The following DLGAP2 variants were observed in gnomAD, a reference collection of about 807,000 sequenced individuals.
The protein encoded by DLGAP2 is DLG associated protein 2.
In DLGAP2, 26 loss-of-function variants were observed where a neutral mutation model predicts 100.3. The observed-to-expected ratio is 0.26, with a 90% CI of 0.19 to 0.36. The LOEUF (loss-of-function observed/expected upper bound fraction) is 0.36, where lower values mean the gene tolerates loss of function less well. Among genes scored for constraint, DLGAP2 ranks in the 10% least tolerant of loss-of-function variants. The probability of loss-of-function intolerance (pLI) is 1.00; values close to 1 mark genes in which losing one functional copy is unlikely to be tolerated. For missense variants in DLGAP2, 1,858 were observed against 1,453.2 expected (o/e 1.28, Z -4.53); for synonymous variants, 886 against 630.1 (o/e 1.41, Z -6.08).
chr8:1,329,570 G>A (rs573845691), intron 3 of DLGAP2, among the ~76,000 whole-genome samples: 1 of 152,150 alleles, frequency 6.6e-6, no homozygotes, highest in Non-Finnish European at 1.5e-5. Context: ...AGTTCAATTC[G>A]GTAGATGCTT....
At chr8:1,011,123 C>T (rs114824754) in intron 2 of DLGAP2, among the ~76,000 whole-genome samples, 1,994 of 141,358 alleles carry the variant, frequency 0.014, 50 homozygotes, top group African/African-American at 0.049. Context: ...TGAGCCCGGG[C>T]GAAGGGCCTC....
chr8:817,851 T>A (rs1796513935), intron 1 of DLGAP2, among the ~76,000 whole-genome samples: 1 of 152,334 alleles, frequency 6.6e-6, no homozygotes, highest in Admixed American at 6.5e-5. Flanking sequence ...TACCAGCACC[T>A]GCTCCGGCGG....
chr8:1,673,609 G>A (rs575976611), intron 10 of DLGAP2, among the ~76,000 whole-genome samples: 2 of 152,318 alleles, frequency 1.3e-5, no homozygotes, highest in East Asian at 3.9e-4. Flanking sequence ...TTAAAGCTGG[G>A]ATGAGAGAAC....
chr8:1,205,969 G>A (rs1797980974), intron 2 of DLGAP2, among the ~76,000 whole-genome samples: 1 of 152,186 alleles, frequency 6.6e-6, no homozygotes, highest in African/African-American at 2.4e-5. Context: ...CCTGGGCAAT[G>A]TAGAAAGACC....
chr8:1,095,568 A>C (rs572611134), intron 2 of DLGAP2, among the ~76,000 whole-genome samples: 1 of 152,286 alleles, frequency 6.6e-6, no homozygotes, highest in South Asian at 2.1e-4. Context: ...TCCACCGTCA[A>C]CACTGTTGTG....
intron 2 of DLGAP2, among the ~76,000 whole-genome samples, chr8:1,230,856 T>G (rs1325691257): frequency 6.6e-6 from 1 of 152,030 alleles, no homozygotes; most frequent in Non-Finnish European, 1.5e-5. Flanking sequence ...AAAAATTAAC[T>G]CAAGATGAAT....
intron 3 of DLGAP2, among the ~76,000 whole-genome samples, chr8:1,273,288 C>G (rs999429285): frequency 1.3e-5 from 2 of 152,142 alleles, no homozygotes; most frequent in South Asian, 2.1e-4. Flanking sequence ...AGTCCGGGAG[C>G]CACGTGGGCT....
intron 4 of DLGAP2, among the ~76,000 whole-genome samples, chr8:1,518,493 C>G (rs1030469747): frequency 3.3e-5 from 5 of 152,124 alleles, no homozygotes; most frequent in African/African-American, 9.7e-5. Context: ...ATTTATATAA[C>G]GTTTGAGTTT....
chr8:868,658 G>T (rs1797541430), intron 1 of DLGAP2, among the ~76,000 whole-genome samples: 1 of 152,184 alleles, frequency 6.6e-6, no homozygotes, highest in South Asian at 2.1e-4. Context: ...CTCTTCCAAG[G>T]GTGCGCGGCA....
At chr8:859,441 T>C (rs1379836165) in intron 1 of DLGAP2, among the ~76,000 whole-genome samples, 1 of 152,062 alleles carries the variant, frequency 6.6e-6, no homozygotes, top group Non-Finnish European at 1.5e-5. Context: ...GGAGTTTAGG[T>C]GACTGGAGTT....
chr8:1,267,702 G>T (rs147898529), intron 3 of DLGAP2, among the ~76,000 whole-genome samples: 1 of 152,040 alleles, frequency 6.6e-6, no homozygotes, highest in Non-Finnish European at 1.5e-5. Flanking sequence ...CACGTCCTCC[G>T]TGTCGCTGGC....
intron 1 of DLGAP2, among the ~76,000 whole-genome samples, chr8:774,813 G>A (rs1821467300): frequency 6.8e-6 from 1 of 146,542 alleles, no homozygotes; most frequent in South Asian, 2.3e-4. Flanking sequence ...TTTGGCTTAG[G>A]ATTGACTTGG....
rs181573299 is a variant in DLGAP2, at chr8:1,122,142, C to T, written c.74-136709C>T. The stretch of plus-strand genomic sequence containing the variant: ...GGACTGGTGTTACTACGGTTACCAT[C>T]AGGTTCCGGTCTTGTTTATGGCTTT... On this transcript the variant is annotated intron_variant, in intron 2 of 14. Transcript: ENST00000637795. Among the ~76,000 whole-genome samples the T allele has an allele frequency of 2.8e-4, 43 of 152,328 alleles. 1 individual carries two copies. Among genetic ancestry groups the T allele is most frequent in the African/African-American group, 9.6e-4 (40 of 41,554 alleles).
chr8:902,301 T>C (rs1190311905), intron 1 of DLGAP2, among the ~76,000 whole-genome samples: 1 of 151,654 alleles, frequency 6.6e-6, no homozygotes, highest in Non-Finnish European at 1.5e-5. Flanking sequence ...ACGTGTGTTC[T>C]GGGACTGTGT....
At chr8:1,232,596 T>A (rs1054116614) in intron 2 of DLGAP2, among the ~76,000 whole-genome samples, 2 of 152,250 alleles carry the variant, frequency 1.3e-5, no homozygotes, top group Admixed American at 1.3e-4. Context: ...TTACATTGGC[T>A]GATGTTTGTA....
chr8:1,466,131 G>C (rs886872048), intron 3 of DLGAP2, among the ~76,000 whole-genome samples: 2 of 152,164 alleles, frequency 1.3e-5, no homozygotes, highest in African/African-American at 4.8e-5. Flanking sequence ...TCGTGTTGGA[G>C]CGTTTAGGTT....
chr8:1,192,320 T>G (rs7013694), intron 2 of DLGAP2, among the ~76,000 whole-genome samples: 1 of 152,096 alleles, frequency 6.6e-6, no homozygotes, highest in Non-Finnish European at 1.5e-5. Context: ...TATATATTTA[T>G]GGTGTAGAAT....
rs1040668805 is a variant in DLGAP2 at position 1,441,983 on chromosome 8, A to G, written c.107-59383A>G. Among the ~76,000 whole-genome samples the G allele has an allele frequency of 1.1e-4, 17 of 152,296 alleles. No homozygotes were observed. The East Asian group carries it at 2.1e-3, about 19-fold the overall frequency. ...AGGGACAGGGATGGAGCTGGAAACC[A>G]TGATCCTCAGCAAACTAACACAGGA... On this transcript the variant is annotated intron_variant, in intron 3 of 14. Transcript: ENST00000637795.
chr8:1,389,179 C>T (rs4976882), intron 3 of DLGAP2, among the ~76,000 whole-genome samples: 13,677 of 152,054 alleles, frequency 0.09, 788 homozygotes, highest in Admixed American at 0.13. Context: ...CTCTTCATGA[C>T]GGGAGGCACG....
Sources: allele counts gnomAD v4.1 joint callset (sites outside exome capture counted in the v4.1 genomes callset), GRCh38; gene constraint gnomAD v4.1.1; transcripts MANE v1.5; gene names NCBI Gene and HGNC (gene_info 2026-07-23, HGNC 2026-07-21).